Variants in SPANXB1 observed in about 807,000 individuals in gnomAD.
The protein encoded by SPANXB1 is SPANX family member B1, also known as sperm protein associated with the nucleus on the X chromosome B1.
SPANXB1 carries 1 observed loss-of-function variant against 2.0 expected under a neutral mutation model. The ratio of observed to expected loss-of-function variants is 0.49; its 90% CI spans 0.18 to 2.34. The LOEUF (loss-of-function observed/expected upper bound fraction) is 2.34, where lower values mean the gene tolerates loss of function less well. SPANXB1 is among the 30% of genes most tolerant of loss of function. The pLI is 0.26. For synonymous variants in SPANXB1, 22 were observed against 35.8 expected, an observed-to-expected ratio of 0.61 and a Z score of 1.38; for missense variants, 70 against 87.5, an observed-to-expected ratio of 0.80 and a Z score of 0.80.
chrX:141,002,730 A>T lies in SPANXB1; in HGVS notation c.37A>T (p.Ser13Cys). 3 of 1,212,717 alleles carry T rather than the reference A, an allele frequency of 2.5e-6. No homozygotes were observed. The highest frequency in any genetic ancestry group is 1.1e-6 in the Non-Finnish European group (1 of 895,526). The change falls in exon 1 of 2, where the codon AGC becomes TGC. Residue 13 changes from serine (S) to cysteine (C), a missense_variant. Physicochemically the swap from Ser to Cys is moderately radical, Grantham distance 112. Coordinates refer to ENST00000449283, the MANE Select transcript of SPANXB1 (RefSeq NM_032461.4). Reference protein sequence around the residue: ...QQSSVRRLKRSVPCESNEANE... With the variant: ...QQSSVRRLKRCVPCESNEANE... ...ATCCAGTGTCCGCAGGCTGAAGAGG[A>T]GCGTCCCCTGTGAATCCAACGAGGC...
chrX:141,002,663 T>C lies in SPANXB1; in HGVS notation c.-31T>C. 8.2e-7 allele frequency: 1 copy of C among 1,212,471 alleles called. No individual in the cohort carries two copies. The highest frequency in any genetic ancestry group is 3.0e-5 in the East Asian group (1 of 33,820). On this transcript the variant is annotated 5_prime_UTR_variant, in exon 1 of 2. Transcript: ENST00000449283. ...CGAAGATTCAAAAGCTCCAAAAACC[T>C]ACTGTAGACATCGAAGAACCAATAT... is the stretch of plus-strand genomic sequence containing the variant.
At position 141,002,769 on chromosome X, in the gene SPANXB1, G is replaced by A. The variant is rs1300466290; in HGVS notation, c.76G>A (p.Glu26Lys). Residue 26 changes from glutamate to lysine, a missense_variant, in exon 1 of 2, where the codon GAG (glutamate) becomes AAG (lysine). By Grantham distance (56) the Glu-to-Lys change is moderately conservative. Around this residue, in one of 3 missense-constraint regions of SPANXB1, gnomAD observed 42 missense variants for 24.9 expected, o/e 1.69. Coordinates refer to ENST00000449283, the MANE Select transcript of SPANXB1 (RefSeq NM_032461.4). Reference protein sequence around the residue: ...CESNEANEANEANKTMPETPT... With the variant: ...CESNEANEANKANKTMPETPT... ...ATCCAACGAGGCCAACGAGGCCAAT[G>A]AGGCCAACAAGACGGTAAGATTGTT... 5.9e-5 allele frequency: 71 copies of A among 1,210,388 alleles called. No homozygotes were observed. Among genetic ancestry groups the A allele is most frequent in the Middle Eastern group, 2.3e-4 (1 of 4,353 alleles).
At chrX:141,002,944 G>A (rs1324186955) in intron 1 of SPANXB1, among the ~76,000 whole-genome samples, 161 bp downstream of exon 1, 1 of 113,818 alleles carries the variant, frequency 8.8e-6, no homozygotes, top group Non-Finnish European at 1.9e-5. Flanking sequence ...GGTGCTTGTA[G>A]GTAGGGGTGG....
chrX:141,003,260 C>CTCG (rs2012341957), intron 1 of SPANXB1, among the ~76,000 whole-genome samples, 171 bp from the exon 2 acceptor site: 1 of 113,501 alleles, frequency 8.8e-6, no homozygotes, highest in Non-Finnish European at 1.9e-5. Context: ...ACCCACGCTC[C>CTCG]TCTTCTTCTT....
At position 141,002,635 on chromosome X, in the gene SPANXB1, C is replaced by A; in HGVS notation, c.-59C>A. 1 of 1,211,192 alleles carries A rather than the reference C, an allele frequency of 8.3e-7. No homozygotes were observed. Among genetic ancestry groups the A allele is most frequent in the Non-Finnish European group, 1.1e-6 (1 of 894,278 alleles). On this transcript the variant is annotated 5_prime_UTR_variant, in exon 1 of 2. It adds an upstream start codon to the 5' untranslated region. Coordinates refer to ENST00000449283, the MANE Select transcript of SPANXB1 (RefSeq NM_032461.4). Reference sequence around the variant, plus strand: ...TAGGGAGGGCAAGAGCTCTGGGCCACTGCGAAGATTCAAAAGCTCCAAAAA... The same window carrying A: ...TAGGGAGGGCAAGAGCTCTGGGCCAATGCGAAGATTCAAAAGCTCCAAAAA...
chrX:141,003,118 G>A (rs2012338423), intron 1 of SPANXB1, among the ~76,000 whole-genome samples: 4 of 113,408 alleles, frequency 3.5e-5, no homozygotes, highest in East Asian at 2.8e-4. Flanking sequence ...GCCTTTGTCC[G>A]CCTTGCGGAC....
In SPANXB1 at chrX:141,003,694, T is replaced by C. The variant is rs1243017261; in HGVS notation, c.*42T>C. ...TCAAACTTCGGCAATGAAAATAAAG[T>C]TTGAGAAGCTGATGGCTGTGTATAT... On this transcript the variant is annotated 3_prime_UTR_variant, in exon 2 of 2. Transcript: ENST00000449283. 6 of 1,209,686 alleles carry C rather than the reference T, an allele frequency of 5.0e-6. No individual in the cohort carries two copies. The South Asian group carries it at 8.8e-5, about 18-fold the overall frequency.
chrX:141,003,413 T>C lies in SPANXB1; in HGVS notation c.91-18T>C, dbSNP rs1448297404. On this transcript the variant is annotated intron_variant, in intron 1 of 1. Coordinates refer to ENST00000449283, the MANE Select transcript of SPANXB1 (RefSeq NM_032461.4). ...CCCAAAATAATGTCCTCCTGGCCTC[T>C]CCCTGTTTTCTTAACAGATGCCGGA... is the stretch of plus-strand genomic sequence containing the variant. 216 of 1,211,657 alleles carry C rather than the reference T, an allele frequency of 1.8e-4. 4 individuals carry two copies. In the East Asian group the frequency reaches 2.9e-3, roughly 16 times the overall value.
In SPANXB1 at chrX:141,003,334, C is replaced by T. The variant is rs1331664569; in HGVS notation, c.91-97C>T. The T allele has an allele frequency of 3.6e-5, 43 of 1,208,475 alleles. 1 individual carries two copies. The highest frequency in any genetic ancestry group is 4.6e-5 in the Non-Finnish European group (41 of 892,791). On this transcript the variant is annotated intron_variant, in intron 1 of 1. Coordinates refer to ENST00000449283, the MANE Select transcript of SPANXB1 (RefSeq NM_032461.4). The stretch of plus-strand genomic sequence containing the variant: ...CTCTGGATCAAACCCCTTCCTCAAC[C>T]TGCATTCCTTCTTCTCATGAAGCCC...
chrX:141,003,425 T>A lies in SPANXB1; in HGVS notation c.91-6T>A. 8.2e-7 allele frequency: 1 copy of A among 1,212,340 alleles called. No homozygotes were observed. Among genetic ancestry groups the A allele is most frequent in the Non-Finnish European group, 1.1e-6 (1 of 895,139 alleles). ...TCCTCCTGGCCTCTCCCTGTTTTCT[T>A]AACAGATGCCGGAGACCCCAACTGG... On this transcript the variant is annotated splice_polypyrimidine_tract_variant and splice_region_variant and intron_variant, in intron 1 of 1. Coordinates refer to ENST00000449283, the MANE Select transcript of SPANXB1 (RefSeq NM_032461.4).
chrX:141,003,607 G>C lies in SPANXB1; in HGVS notation c.267G>C (p.Glu89Asp), dbSNP rs2012353580. The change falls in exon 2 of 2, where the codon GAG (glutamate) becomes GAC (aspartate). Residue 89 changes from glutamate (E) to aspartate (D), a missense_variant. By Grantham distance (45) the Glu-to-Asp change is conservative. Around this residue, in one of 3 missense-constraint regions of SPANXB1, gnomAD observed 23 missense variants for 25.2 expected, o/e 0.91. Transcript: ENST00000449283. ...ACAGAATCAACCCCGACCAAATGGAGGAGGAGGAATTCATAGAAATAACGA... is the reference window on the plus strand; with the variant it reads ...ACAGAATCAACCCCGACCAAATGGACGAGGAGGAATTCATAGAAATAACGA... ...RENRINPDQMEEEEFIEITTE... is the reference protein window; with the variant it reads ...RENRINPDQMDEEEFIEITTE... 8.3e-7 allele frequency: 1 copy of C among 1,211,336 alleles called. No homozygotes were observed. Among genetic ancestry groups the C allele is most frequent in the Non-Finnish European group, 1.1e-6 (1 of 894,792 alleles).
chrX:141,002,958 G>T (rs2012334577), intron 1 of SPANXB1, among the ~76,000 whole-genome samples, 175 bp downstream of exon 1: 1 of 113,695 alleles, frequency 8.8e-6, no homozygotes, highest in African/African-American at 3.2e-5. Flanking sequence ...GGGGTGGGAG[G>T]GGCCTGGGCA....
Position 141,003,635 on chromosome X carries a change from G to A in SPANXB1, c.295G>A (p.Glu99Lys). ...EEEEFIEITT[E>K]RPKK ...GGAGGAATTCATAGAAATAACGACT[G>A]AAAGACCTAAAAAGTAGCAAGAAGC... The change falls in exon 2 of 2, where the codon GAA (glutamate) becomes AAA (lysine). Residue 99 changes from glutamate (E) to lysine (K), a missense_variant. Physicochemically the swap from Glu to Lys is moderately conservative, Grantham distance 56 (BLOSUM62 1). Coordinates refer to ENST00000449283, the MANE Select transcript of SPANXB1 (RefSeq NM_032461.4). 8.3e-7 allele frequency: 1 copy of A among 1,211,184 alleles called. No individual in the cohort carries two copies. The highest frequency in any genetic ancestry group is 1.8e-5 in the South Asian group (1 of 56,992).
chrX:141,002,615 A>C lies in SPANXB1; in HGVS notation c.-79A>C. On this transcript the variant is annotated 5_prime_UTR_variant, in exon 1 of 2. Transcript: ENST00000449283. ...TGTCACCAGGAGGGTATGCATAGGGAGGGCAAGAGCTCTGGGCCACTGCGA... is the reference window on the plus strand; with the variant it reads ...TGTCACCAGGAGGGTATGCATAGGGCGGGCAAGAGCTCTGGGCCACTGCGA... 4 of 1,206,340 alleles carry C rather than the reference A, an allele frequency of 3.3e-6. No homozygotes were observed. The highest frequency in any genetic ancestry group is 4.5e-6 in the Non-Finnish European group (4 of 889,869).
At chrX:141,003,236 T>G (rs1301060709) in intron 1 of SPANXB1, among the ~76,000 whole-genome samples, 195 bp from the exon 2 acceptor site, 19 of 113,354 alleles carry the variant, frequency 1.7e-4, no homozygotes, top group Non-Finnish European at 2.8e-4. Flanking sequence ...CAGTTTGGAC[T>G]CACAGGTGAC....
Position 141,002,668 on chromosome X carries a change from T to C in SPANXB1, c.-26T>C, listed in dbSNP as rs1351215305. The C allele has an allele frequency of 4.1e-6, 5 of 1,212,069 alleles. No homozygotes were observed. The highest frequency in any genetic ancestry group is 3.5e-5 in the South Asian group (2 of 57,008). On this transcript the variant is annotated 5_prime_UTR_variant, in exon 1 of 2. The change abolishes the stop of an existing upstream ORF in the 5' untranslated region. Coordinates refer to ENST00000449283, the MANE Select transcript of SPANXB1 (RefSeq NM_032461.4). Reference sequence around the variant, plus strand: ...ATTCAAAAGCTCCAAAAACCTACTGTAGACATCGAAGAACCAATATATACA... The same window carrying C: ...ATTCAAAAGCTCCAAAAACCTACTGCAGACATCGAAGAACCAATATATACA...
intron 1 of SPANXB1, 78 bp downstream of exon 1, chrX:141,002,861 C>G: frequency 1.7e-6 from 2 of 1,201,412 alleles, no homozygotes; most frequent in Admixed American, 2.2e-5. Context: ...AACAACAACA[C>G]AGGAATATTG....
intron 1 of SPANXB1, among the ~76,000 whole-genome samples, 191 bp downstream of exon 1, chrX:141,002,974 G>T (rs2012334923): frequency 8.8e-6 from 1 of 113,731 alleles, no homozygotes; most frequent in South Asian, 3.5e-4. Flanking sequence ...GGGCAGTATG[G>T]CTTGCTGCCC....
intron 1 of SPANXB1, 96 bp from the exon 2 acceptor site, chrX:141,003,335 T>C (rs1466842413): frequency 0.057 from 50,963 of 887,442 alleles, 268 homozygotes; most frequent in African/African-American, 0.14. Context: ...TTCCTCAACC[T>C]GCATTCCTTC....
Sources: gnomAD v4.1 joint callset for allele counts (sites outside exome capture counted in the v4.1 genomes callset) on GRCh38, gnomAD v4.1.1 for gene constraint, gnomAD v4.1.1 regional missense constraint, MANE v1.5 for transcripts, NCBI Gene and HGNC (gene_info 2026-07-23, HGNC 2026-07-21) for gene names.